IGBP1: variants seen among roughly 807,000 people sequenced by gnomAD.
IGBP1 encodes immunoglobulin-binding protein 1.
In IGBP1, 2 loss-of-function variants were observed where a neutral mutation model predicts 25.9. That is an observed-to-expected ratio of 0.08 (90% confidence interval 0.03 to 0.24). The LOEUF (loss-of-function observed/expected upper bound fraction) is 0.24. IGBP1 is among the 10% of genes least tolerant of loss of function. The pLI is 1.00. For missense variants in IGBP1, 187 were observed against 260.4 expected, an observed-to-expected ratio of 0.72 and a Z score of 1.94; for synonymous variants, 96 against 93.4, an observed-to-expected ratio of 1.03 and a Z score of -0.16.
At chrX:70,148,960 G>A in intron 5 of IGBP1, 120 bp downstream of exon 5, 5 of 566,393 alleles carry the variant, frequency 8.8e-6, no homozygotes, top group Non-Finnish European at 1.5e-5. Context: ...TGGGCGAGGT[G>A]GCTCGTGCCT....
chrX:70,143,849 T>G (rs1315209113), intron 3 of IGBP1, among the ~76,000 whole-genome samples: 1 of 112,238 alleles, frequency 8.9e-6, no homozygotes, highest in Non-Finnish European at 1.9e-5. Flanking sequence ...ACTAAAACAG[T>G]TTTAAAAACA....
At chrX:70,152,161 A>G (rs138144352) in intron 6 of IGBP1, among the ~76,000 whole-genome samples, 3 of 111,325 alleles carry the variant, frequency 2.7e-5, no homozygotes, top group African/African-American at 9.8e-5. Flanking sequence ...GAAGGAGGTT[A>G]TCCCAGAAAA....
At chrX:70,149,718 T>A (rs1213223202) in intron 5 of IGBP1, 1 of 118,408 alleles carries the variant, frequency 8.4e-6, no homozygotes, top group Non-Finnish European at 1.7e-5. Context: ...AATAATTGAA[T>A]GGAGAATTGT....
intron 6 of IGBP1, among the ~76,000 whole-genome samples, chrX:70,163,139 G>A (rs1013367380): frequency 1.8e-5 from 2 of 111,023 alleles, no homozygotes; most frequent in African/African-American, 6.5e-5. Flanking sequence ...TCTCGAGTGA[G>A]TAGGACTACA....
chrX:70,135,011 T>G (rs1055951479), intron 3 of IGBP1, among the ~76,000 whole-genome samples, 195 bp downstream of exon 3: 4 of 112,530 alleles, frequency 3.6e-5, no homozygotes, highest in Non-Finnish European at 7.5e-5. Flanking sequence ...TTATACCTAC[T>G]TATCAGACCC....
chrX:70,151,752 C>T (rs1239451558), intron 6 of IGBP1, among the ~76,000 whole-genome samples: 1 of 109,899 alleles, frequency 9.1e-6, no homozygotes, highest in African/African-American at 3.3e-5. Context: ...GTGGTATGCA[C>T]CTGTAGTCCC....
At chrX:70,151,699 G>A (rs944036758) in intron 6 of IGBP1, among the ~76,000 whole-genome samples, 12 of 110,785 alleles carry the variant, frequency 1.1e-4, no homozygotes, top group Middle Eastern at 4.2e-3. Flanking sequence ...GCAATATGGC[G>A]AAACCCCGTC....
intron 6 of IGBP1, among the ~76,000 whole-genome samples, chrX:70,163,183 G>GT (rs1468281675): frequency 9.1e-6 from 1 of 110,143 alleles, no homozygotes; most frequent in African/African-American, 3.3e-5. Context: ...GATTTTAAAA[G>GT]TTTTTTTCTT....
At chrX:70,158,742 C>T (rs1423055588) in intron 6 of IGBP1, among the ~76,000 whole-genome samples, 1 of 111,358 alleles carries the variant, frequency 9.0e-6, no homozygotes, top group Non-Finnish European at 1.9e-5. Flanking sequence ...ACTTGGGAGG[C>T]TGAGGCAGGA....
At position 70,166,275 on chromosome X, in the gene IGBP1, C is replaced by A; in HGVS notation, c.*294C>A. The A allele has an allele frequency of 4.3e-6, 1 of 233,546 alleles. No individual in the cohort carries two copies. The highest frequency in any genetic ancestry group is 7.7e-6 in the Non-Finnish European group (1 of 129,999). The allele number at this position is 233,546 out of a possible 1,213,427, so 19.2% of individuals were successfully genotyped here. On this transcript the variant is annotated 3_prime_UTR_variant, in exon 7 of 7. Coordinates refer to ENST00000356413, the MANE Select transcript of IGBP1 (RefSeq NM_001551.3). ...TGTATAATCTATGGCTATCCGAATT[C>A]TCTGAAAAAATAATAAAAGTCCCCT...
intron 6 of IGBP1, among the ~76,000 whole-genome samples, chrX:70,152,519 C>T (rs1231131085): frequency 2.7e-5 from 3 of 111,787 alleles, no homozygotes; most frequent in African/African-American, 9.8e-5. Context: ...AAAAGGCAAT[C>T]AATGGATACC....
chrX:70,136,081 G>T (rs1472271105), intron 3 of IGBP1, among the ~76,000 whole-genome samples: 4 of 111,456 alleles, frequency 3.6e-5, no homozygotes, highest in Non-Finnish European at 7.5e-5. Flanking sequence ...ATTATTTGTG[G>T]CTAAGAGTAT....
At chrX:70,139,262 A>G (rs2085115381) in intron 3 of IGBP1, among the ~76,000 whole-genome samples, 1 of 106,700 alleles carries the variant, frequency 9.4e-6, no homozygotes, top group South Asian at 4.3e-4. Flanking sequence ...GTGAGCCGAG[A>G]TCGCACCATT....
intron 6 of IGBP1, among the ~76,000 whole-genome samples, chrX:70,156,800 C>T (rs2085243504): frequency 9.1e-6 from 1 of 110,286 alleles, no homozygotes; most frequent in African/African-American, 3.3e-5. Flanking sequence ...ATTAGCCGGG[C>T]GTGGTGGCGG....
chrX:70,138,877 A>G (rs1170684681), intron 3 of IGBP1, among the ~76,000 whole-genome samples: 1 of 112,178 alleles, frequency 8.9e-6, no homozygotes, highest in African/African-American at 3.2e-5. Context: ...TGTATCTGTC[A>G]CTGTTTCCTT....
chrX:70,153,350 T>A (rs1394708980), intron 6 of IGBP1, among the ~76,000 whole-genome samples: 1 of 112,068 alleles, frequency 8.9e-6, no homozygotes, highest in Non-Finnish European at 1.9e-5. Flanking sequence ...CAGATAGAAA[T>A]GTAAATACTC....
intron 6 of IGBP1, among the ~76,000 whole-genome samples, chrX:70,161,401 T>A (rs991973082): frequency 9.9e-5 from 11 of 111,412 alleles, no homozygotes; most frequent in African/African-American, 3.6e-4. Flanking sequence ...TCTAATACCA[T>A]CCTCTAATAA....
At chrX:70,153,444 C>G (rs745583141) in intron 6 of IGBP1, among the ~76,000 whole-genome samples, 1 of 111,794 alleles carries the variant, frequency 8.9e-6, no homozygotes. Flanking sequence ...AAAAACTATA[C>G]GTAGCTTCTC....
rs759298675 is a variant in IGBP1, at chrX:70,152,598, C to A, written c.871+2276C>A. ...TTAAAGCAGCTATTATTTTTATCCT[C>A]AAGGGCAGAGAGCAAAATATGTTTG... On this transcript the variant is annotated intron_variant, in intron 6 of 6. Transcript: ENST00000356413. Among the ~76,000 whole-genome samples the A allele has an allele frequency of 5.4e-4, 60 of 111,906 alleles. 1 individual carries two copies. Among genetic ancestry groups the A allele is most frequent in the Admixed American group, 5.1e-3 (54 of 10,512 alleles).
Sources: allele counts gnomAD v4.1 joint callset (sites outside exome capture counted in the v4.1 genomes callset), GRCh38; gene constraint gnomAD v4.1.1; transcripts MANE v1.5; gene names NCBI Gene and HGNC (gene_info 2026-07-23, HGNC 2026-07-21).